Variants in ADGRL3 observed in about 807,000 individuals in gnomAD.
ADGRL3 encodes calcium-independent alpha-latrotoxin receptor 3.
A neutral mutation model predicts 153.5 loss-of-function variants in ADGRL3; 62 were observed. The observed-to-expected ratio is 0.40, with a 90% CI of 0.33 to 0.50. The LOEUF is 0.50. ADGRL3 is among the 20% of genes least tolerant of loss of function. The pLI, the probability that ADGRL3 is intolerant of heterozygous loss-of-function variation, is 0.47. For synonymous variants in ADGRL3, 710 were observed against 672.5 expected, an observed-to-expected ratio of 1.06 and a Z score of -0.86; for missense variants, 1,641 against 1,859.4, an observed-to-expected ratio of 0.88 and a Z score of 2.16.
chr4:61,598,778 G>C (rs897325138), intron 5 of ADGRL3, among the ~76,000 whole-genome samples: 10 of 151,956 alleles, frequency 6.6e-5, no homozygotes, highest in Non-Finnish European at 2.9e-5. Flanking sequence ...ATTTCAAAAA[G>C]CTTACTTTTT....
intron 5 of ADGRL3, among the ~76,000 whole-genome samples, chr4:61,650,534 TACTC>T (rs1463737480): frequency 6.6e-6 from 1 of 152,184 alleles, no homozygotes; most frequent in Non-Finnish European, 1.5e-5. Flanking sequence ...TTAACACTTT[TACTC>T]ACAGTATTGA....
rs889615550 is a variant in ADGRL3 at position 61,559,471 on chromosome 4, G to T, written c.260-27756G>T. ...AAAATGAAAAAGTTTAAAAATAAAA[G>T]CTTGGACTGCACCCATCGTGGCATT... On this transcript the variant is annotated intron_variant, in intron 4 of 26. Coordinates refer to ENST00000683033, the MANE Select transcript of ADGRL3 (RefSeq NM_001387552.1). Among the ~76,000 whole-genome samples, 7 of 152,152 alleles carry T rather than the reference G, an allele frequency of 4.6e-5. 2 individuals are homozygous for T. In the South Asian group the frequency reaches 1.4e-3, roughly 32 times the overall value.
intron 13 of ADGRL3, among the ~76,000 whole-genome samples, chr4:61,924,086 G>A (rs1055745499): frequency 5.3e-5 from 8 of 152,050 alleles, no homozygotes; most frequent in South Asian, 2.1e-4. Context: ...CTACACCACC[G>A]AAACTGCCCT....
intron 1 of ADGRL3, among the ~76,000 whole-genome samples, chr4:61,309,045 C>A: frequency 6.6e-6 from 1 of 152,202 alleles, no homozygotes; most frequent in East Asian, 1.9e-4. Flanking sequence ...ATTACCTTCG[C>A]ATTATATGAT....
Position 62,024,791 on chromosome 4 carries a change from G to T in ADGRL3, c.3396-4064G>T, listed in dbSNP as rs371359724. ...TAAAAATACAGAAAATTAGCCTGGT[G>T]TGGTGGTATGCGCCTGTATTCCCAG... On this transcript the variant is annotated intron_variant, in intron 21 of 26. Coordinates refer to ENST00000683033, the MANE Select transcript of ADGRL3 (RefSeq NM_001387552.1). Among the ~76,000 whole-genome samples, 103 of 152,088 alleles carry T rather than the reference G, an allele frequency of 6.8e-4. 1 individual carries two copies. Among genetic ancestry groups the T allele is most frequent in the African/African-American group, 2.4e-3 (99 of 41,516 alleles).
At chr4:61,620,634 CT>C (rs71664993) in intron 5 of ADGRL3, among the ~76,000 whole-genome samples, 1,255 of 69,624 alleles carry the variant, frequency 0.018, 2 homozygotes, top group African/African-American at 0.025. Context: ...TAAATTGTGA[CT>C]TTTTTTTTTT....
chr4:61,875,775 T>G (rs1257469117), intron 9 of ADGRL3, among the ~76,000 whole-genome samples: 1 of 152,240 alleles, frequency 6.6e-6, no homozygotes, highest in African/African-American at 2.4e-5. Context: ...CTATTTGATT[T>G]GTACTGTAAG....
At chr4:62,057,440 A>G (rs1350223346) in intron 25 of ADGRL3, among the ~76,000 whole-genome samples, 2 of 152,200 alleles carry the variant, frequency 1.3e-5, no homozygotes, top group Non-Finnish European at 1.5e-5. Context: ...ATCTTCAGGT[A>G]TAAAGTAAAA....
At chr4:61,259,355 G>A (rs1043893330) in intron 1 of ADGRL3, among the ~76,000 whole-genome samples, 3 of 151,846 alleles carry the variant, frequency 2.0e-5, no homozygotes, top group Admixed American at 6.6e-5. Flanking sequence ...CCCGGGAGGC[G>A]GAGTTTGCAG....
At chr4:61,300,771 T>C (rs1177713508) in intron 1 of ADGRL3, among the ~76,000 whole-genome samples, 2 of 150,004 alleles carry the variant, frequency 1.3e-5, no homozygotes, top group Non-Finnish European at 3.0e-5. Flanking sequence ...TTTCTTTCTT[T>C]TTTTTTTTTT....
At chr4:62,004,207 A>C (rs906717159) in intron 21 of ADGRL3, among the ~76,000 whole-genome samples, 1 of 152,090 alleles carries the variant, frequency 6.6e-6, no homozygotes, top group Non-Finnish European at 1.5e-5. Flanking sequence ...TTAATTTTTC[A>C]ATTTCACATT....
chr4:61,958,219 A>G (rs1465922896), intron 17 of ADGRL3, among the ~76,000 whole-genome samples: 1 of 152,130 alleles, frequency 6.6e-6, no homozygotes, highest in Non-Finnish European at 1.5e-5. Context: ...TATGGTATAT[A>G]AAATAATTTT....
At chr4:61,789,271 C>T (rs185227468) in intron 8 of ADGRL3, among the ~76,000 whole-genome samples, 34 of 152,078 alleles carry the variant, frequency 2.2e-4, no homozygotes, top group Middle Eastern at 6.8e-3. Flanking sequence ...ATCTTTCTCT[C>T]TGTCTCTGTG....
At chr4:61,525,348 A>G (rs974345899) in intron 4 of ADGRL3, among the ~76,000 whole-genome samples, 1 of 152,144 alleles carries the variant, frequency 6.6e-6, no homozygotes, top group Non-Finnish European at 1.5e-5. Flanking sequence ...GGAGAGAATT[A>G]TGACATTTTT....
At chr4:61,843,622 G>T (rs10004644) in intron 9 of ADGRL3, among the ~76,000 whole-genome samples, 54,488 of 151,852 alleles carry the variant, frequency 0.36, 12,204 homozygotes, top group East Asian at 0.75. Context: ...CCTCGAAAGA[G>T]AAAAAAAATT....
chr4:61,879,305 G>C (rs528699072), intron 9 of ADGRL3, among the ~76,000 whole-genome samples: 19 of 152,222 alleles, frequency 1.2e-4, no homozygotes, highest in African/African-American at 4.1e-4. Flanking sequence ...ACTACAGATT[G>C]TATATCCCTT....
At chr4:62,034,013 C>G (rs1413986392) in intron 23 of ADGRL3, among the ~76,000 whole-genome samples, 1 of 151,624 alleles carries the variant, frequency 6.6e-6, no homozygotes, top group Admixed American at 6.6e-5. Flanking sequence ...AAGCATATCA[C>G]TGGAATAAGT....
intron 9 of ADGRL3, among the ~76,000 whole-genome samples, chr4:61,857,736 T>A (rs1418970522): frequency 6.6e-6 from 1 of 152,008 alleles, no homozygotes; most frequent in Admixed American, 6.6e-5. Context: ...CTCTCTTTCT[T>A]TCTTTTTTTG....
intron 1 of ADGRL3, among the ~76,000 whole-genome samples, chr4:61,295,722 G>A (rs1178005514): frequency 6.6e-6 from 1 of 151,862 alleles, no homozygotes; most frequent in East Asian, 1.9e-4. Flanking sequence ...ATTTTGGGAG[G>A]CAGAGGTGTG....
Sources: allele counts gnomAD v4.1 joint callset (sites outside exome capture counted in the v4.1 genomes callset), GRCh38; gene constraint gnomAD v4.1.1; transcripts MANE v1.5; gene names NCBI Gene and HGNC (gene_info 2026-07-23, HGNC 2026-07-21).